Variants in ACCSL observed in about 807,000 individuals in gnomAD.
ACCSL encodes probable inactive 1-aminocyclopropane-1-carboxylate synthase-like protein 2.
ACCSL carries 55 observed loss-of-function variants against 61.7 expected under a neutral mutation model. The observed-to-expected ratio is 0.89, with a 90% CI of 0.72 to 1.12. The LOEUF (loss-of-function observed/expected upper bound fraction) is 1.12, where lower values mean the gene tolerates loss of function less well. Ranked by LOEUF, ACCSL falls within the 50% of genes most tolerant of loss-of-function variation. The probability of loss-of-function intolerance (pLI) is 0.00; values close to 1 mark genes in which losing one functional copy is unlikely to be tolerated. For missense variants in ACCSL, 632 were observed against 698.0 expected (o/e 0.91, Z 1.07); for synonymous variants, 258 against 264.3 (o/e 0.98, Z 0.23).
At chr11:44,042,785 A>G in the ACCSL span, among the ~76,000 whole-genome samples, 10 of 152,080 alleles carry the variant, frequency 6.6e-5, no homozygotes, top group African/African-American at 2.4e-4. Context: ...GCTAGCATTT[A>G]AAATAAAGTT....
chr11:43,971,294 A>AAAGAAAAGAAAAGAAAAGAAAAGAAAAG, the ACCSL span: 28 of 151,486 alleles, frequency 1.8e-4, no homozygotes, highest in African/African-American at 6.6e-4. Flanking sequence ...CAAAAAAAAA[A>AAAGAAAAGAAAAGAAAAGAAAAGAAAAG]AAAAGAAAAG....
the ACCSL span, chr11:43,942,780 C>A: frequency 2.0e-6 from 1 of 512,560 alleles, no homozygotes; most frequent in Non-Finnish European, 2.5e-6. Flanking sequence ...CGCCACCCCG[C>A]AGCAGATTTG....
intron 6 of ACCSL, 108 bp downstream of exon 6, chr11:44,052,867 A>G: frequency 6.9e-7 from 1 of 1,443,330 alleles, no homozygotes. Context: ...GTGGTTGGGT[A>G]GGGGTGGAGA....
chr11:44,054,444 TTTC>T lies in ACCSL; in HGVS notation c.1050-755_1050-753del, dbSNP rs1210173551. On this transcript the variant is annotated intron_variant, in intron 8 of 13. Coordinates refer to ENST00000378832, the MANE Select transcript of ACCSL (RefSeq NM_001031854.2). The stretch of plus-strand genomic sequence containing the variant: ...GAACCTTAGTTTCTTTTTTTCTTTC[TTTC>T]TTTTTTTTTTTTGTTTTTTGTTTTT... Among the ~76,000 whole-genome samples, 141 of 115,986 alleles carry T rather than the reference TTTC, an allele frequency of 1.2e-3. 1 individual carries two copies. The highest frequency in any genetic ancestry group is 3.7e-3 in the African/African-American group (115 of 31,216). 76.1% of individuals were successfully genotyped at this position (115,986 alleles called of 152,430 possible).
At chr11:43,935,011 C>G in the ACCSL span, among the ~76,000 whole-genome samples, 1 of 152,172 alleles carries the variant, frequency 6.6e-6, no homozygotes, top group Non-Finnish European at 1.5e-5. Flanking sequence ...CCATCTGCTT[C>G]CCCAGGACAC....
the ACCSL span, among the ~76,000 whole-genome samples, chr11:43,986,108 T>C: frequency 2.0e-5 from 3 of 151,882 alleles, no homozygotes; most frequent in Admixed American, 2.0e-4. Flanking sequence ...GAGACGTGGG[T>C]GCCATTCCTC....
chr11:44,009,440 A>G, the ACCSL span, among the ~76,000 whole-genome samples: 6 of 152,194 alleles, frequency 3.9e-5, no homozygotes, highest in Non-Finnish European at 8.8e-5. Flanking sequence ...AGAGTCTGAA[A>G]CAAAACTGGG....
At chr11:44,030,515 A>T in the ACCSL span, among the ~76,000 whole-genome samples, 1 of 151,918 alleles carries the variant, frequency 6.6e-6, no homozygotes, top group South Asian at 2.1e-4. Flanking sequence ...AAGGCACAGG[A>T]CTGCGTCCCT....
At chr11:43,946,350 G>A in the ACCSL span, among the ~76,000 whole-genome samples, 82,015 of 151,968 alleles carry the variant, frequency 0.54, 22,298 homozygotes, top group East Asian at 0.7. Context: ...TGCCCTCCAC[G>A]GCTTCCCAAA....
the ACCSL span, among the ~76,000 whole-genome samples, chr11:43,923,699 C>T: frequency 6.6e-6 from 1 of 152,222 alleles, no homozygotes; most frequent in African/African-American, 2.4e-5. Flanking sequence ...TTTATAAAAG[C>T]CTTCCCCAGC....
chr11:43,921,280 T>C, the ACCSL span: 1 of 152,172 alleles, frequency 6.6e-6, no homozygotes, highest in Non-Finnish European at 1.5e-5. Flanking sequence ...GACTCGGCAC[T>C]CAGATGGAGC....
At chr11:44,002,312 C>A in the ACCSL span, among the ~76,000 whole-genome samples, 1 of 152,098 alleles carries the variant, frequency 6.6e-6, no homozygotes, top group Non-Finnish European at 1.5e-5. Context: ...TGCCACCTCG[C>A]CCCACCCCGA....
At chr11:44,013,061 A>G in the ACCSL span, among the ~76,000 whole-genome samples, 1 of 152,234 alleles carries the variant, frequency 6.6e-6, no homozygotes, top group Non-Finnish European at 1.5e-5. Flanking sequence ...GGTCTAGCAC[A>G]TGGCAGGTGC....
chr11:44,014,810 C>A, the ACCSL span, among the ~76,000 whole-genome samples: 13 of 152,296 alleles, frequency 8.5e-5, no homozygotes, highest in African/African-American at 2.9e-4. Flanking sequence ...AGCAGAGGCA[C>A]CGTGGAGAGA....
the ACCSL span, among the ~76,000 whole-genome samples, chr11:44,014,528 A>T: frequency 7.6e-6 from 1 of 130,956 alleles, no homozygotes. Context: ...AGAGAGAGAG[A>T]GGTGCCACTG....
intron 9 of ACCSL, 44 bp from the exon 10 acceptor site, chr11:44,055,996 C>G: frequency 1.2e-6 from 2 of 1,610,902 alleles, no homozygotes; most frequent in South Asian, 1.1e-5. Flanking sequence ...TCTTCATCAA[C>G]TATTTCTCTA....
chr11:43,963,029 C>G, the ACCSL span, among the ~76,000 whole-genome samples: 1 of 152,160 alleles, frequency 6.6e-6, no homozygotes, highest in Non-Finnish European at 1.5e-5. Context: ...GCTTTCCTTT[C>G]CATATTCCTC....
the ACCSL span, among the ~76,000 whole-genome samples, chr11:44,024,437 CTCTCTGTGTG>C: frequency 1.8e-3 from 134 of 74,952 alleles, no homozygotes; most frequent in East Asian, 5.1e-3. Flanking sequence ...CTCTCTCTCT[CTCTCTGTGTG>C]TGTGTGTGTG....
At chr11:43,972,718 ACCAATAAGG>A in the ACCSL span, among the ~76,000 whole-genome samples, 1 of 152,316 alleles carries the variant, frequency 6.6e-6, no homozygotes, top group South Asian at 2.1e-4. Flanking sequence ...CGTTATGTTT[ACCAATAAGG>A]CCAAGAAGAG....
Sources: gnomAD v4.1 joint callset for allele counts (sites outside exome capture counted in the v4.1 genomes callset) on GRCh38, gnomAD v4.1.1 for gene constraint, MANE v1.5 for transcripts, NCBI Gene and HGNC (gene_info 2026-07-23, HGNC 2026-07-21) for gene names.